CCDC170: variants seen among roughly 807,000 people sequenced by gnomAD.
CCDC170 encodes the protein coiled-coil domain-containing protein 170.
Under a neutral mutation model 72.6 loss-of-function variants are expected in CCDC170, and 69 were observed. The observed-to-expected ratio is 0.95, with a 90% CI of 0.78 to 1.16. The LOEUF (loss-of-function observed/expected upper bound fraction) is 1.16. CCDC170 is among the 50% of genes most tolerant of loss of function. The pLI is 0.00. For missense variants in CCDC170, 852 were observed against 832.5 expected (o/e 1.02, Z -0.29); for synonymous variants, 300 against 303.9 (o/e 0.99, Z 0.13).
At chr6:151,603,196 T>C (rs1229162009) in intron 9 of CCDC170, among the ~76,000 whole-genome samples, 2 of 152,126 alleles carry the variant, frequency 1.3e-5, no homozygotes, top group Admixed American at 6.5e-5. Context: ...ATGATGCAAG[T>C]TCTTTTGAGT....
chr6:151,538,307 G>A lies in CCDC170; in HGVS notation c.443+6G>A, dbSNP rs778331694. 1 of 1,609,688 alleles carries A rather than the reference G, an allele frequency of 6.2e-7. No individual in the cohort carries two copies. Among genetic ancestry groups the A allele is most frequent in the Non-Finnish European group, 8.5e-7 (1 of 1,177,896 alleles). ...GAGTTAAATGAAAAATTACAGTAAGGATACTGCAATATATTTTTCGCTTTA... is the reference window on the plus strand; with the variant it reads ...GAGTTAAATGAAAAATTACAGTAAGAATACTGCAATATATTTTTCGCTTTA... On this transcript the variant is annotated splice_donor_region_variant and intron_variant, in intron 3 of 10. Transcript: ENST00000239374.
intron 6 of CCDC170, among the ~76,000 whole-genome samples, chr6:151,578,957 A>G (rs1776343563): frequency 6.6e-6 from 1 of 152,090 alleles, no homozygotes; most frequent in Non-Finnish European, 1.5e-5. Context: ...TGGGGAGTGA[A>G]TTAAATCTTT....
intron 5 of CCDC170, among the ~76,000 whole-genome samples, chr6:151,564,312 G>C (rs1776093109): frequency 6.6e-6 from 1 of 152,132 alleles, no homozygotes; most frequent in African/African-American, 2.4e-5. Context: ...AAGAGCTTAG[G>C]GTGTGGTTGT....
At chr6:151,585,610 G>T (rs1044350259) in intron 6 of CCDC170, among the ~76,000 whole-genome samples, 1 of 151,664 alleles carries the variant, frequency 6.6e-6, no homozygotes, top group Admixed American at 6.6e-5. Flanking sequence ...ATAGTTTTGG[G>T]GTAAGTAAAT....
intron 5 of CCDC170, among the ~76,000 whole-genome samples, chr6:151,552,197 G>T (rs1484645183): frequency 6.6e-6 from 1 of 152,090 alleles, no homozygotes; most frequent in Non-Finnish European, 1.5e-5. Context: ...AAGGCTTTTG[G>T]CAAGAATATT....
At chr6:151,498,700 C>G (rs1781944500) in intron 1 of CCDC170, among the ~76,000 whole-genome samples, 1 of 152,168 alleles carries the variant, frequency 6.6e-6, no homozygotes, top group South Asian at 2.1e-4. Flanking sequence ...TGGAATCAGA[C>G]TGTATTTGAC....
chr6:151,590,253 C>A (rs899994095), intron 7 of CCDC170, among the ~76,000 whole-genome samples: 2 of 152,090 alleles, frequency 1.3e-5, no homozygotes, highest in African/African-American at 4.8e-5. Flanking sequence ...CAGAAAAAAT[C>A]ATTTTTTCCT....
intron 1 of CCDC170, among the ~76,000 whole-genome samples, chr6:151,514,546 C>T (rs562992966): frequency 1.3e-5 from 2 of 152,086 alleles, no homozygotes; most frequent in South Asian, 4.1e-4. Context: ...GATGAAAGCT[C>T]TGTGGCATGC....
Position 151,596,197 on chromosome 6 carries a change from G to A in CCDC170, c.1468-138G>A, listed in dbSNP as rs1027503332. The A allele has an allele frequency of 2.3e-5, 25 of 1,066,944 alleles. No homozygotes were observed. The Admixed American group carries it at 4.9e-4, about 21-fold the overall frequency. 66.1% of individuals were successfully genotyped at this position (1,066,944 alleles called of 1,614,324 possible). A position where few individuals can be genotyped will look rare whatever the true frequency, so the allele number is the denominator to read the frequency against. On this transcript the variant is annotated intron_variant, in intron 8 of 10. Coordinates refer to ENST00000239374, the MANE Select transcript of CCDC170 (RefSeq NM_025059.4). ...TGAGTAAAAAATGCAATCAGGAAAA[G>A]GAATCCAATGACTTTTTTGATGGTT...
At chr6:151,606,791 T>C (rs1237666437) in intron 9 of CCDC170, among the ~76,000 whole-genome samples, 1 of 152,220 alleles carries the variant, frequency 6.6e-6, no homozygotes, top group East Asian at 1.9e-4. Flanking sequence ...GCTTTATGTA[T>C]CTGGGTGTGT....
At chr6:151,604,527 TATAGTTAACA>T (rs1776756506) in intron 9 of CCDC170, among the ~76,000 whole-genome samples, 1 of 152,216 alleles carries the variant, frequency 6.6e-6, no homozygotes, top group Admixed American at 6.5e-5. Flanking sequence ...GTAGGATGAC[TATAGTTAACA>T]ATACTTTATT....
At chr6:151,514,073 G>C (rs1248604617) in intron 1 of CCDC170, among the ~76,000 whole-genome samples, 1 of 151,830 alleles carries the variant, frequency 6.6e-6, no homozygotes, top group Non-Finnish European at 1.5e-5. Context: ...ATGTGGGCAG[G>C]AGTGGTAACT....
At chr6:151,603,135 C>A (rs1194768258) in intron 9 of CCDC170, among the ~76,000 whole-genome samples, 3 of 152,168 alleles carry the variant, frequency 2.0e-5, no homozygotes, top group African/African-American at 7.2e-5. Flanking sequence ...ATATACTATC[C>A]ATTAATGGAC....
chr6:151,510,229 T>A (rs895669924), intron 1 of CCDC170, among the ~76,000 whole-genome samples: 1 of 152,326 alleles, frequency 6.6e-6, no homozygotes, highest in Non-Finnish European at 1.5e-5. Flanking sequence ...TACTGTGTCA[T>A]TTTGTTCATT....
In CCDC170 at chr6:151,494,173, G is replaced by A. The variant is rs1401478512; in HGVS notation, c.45G>A (p.Ser15=). The A allele has an allele frequency of 2.0e-6, 3 of 1,517,506 alleles. No homozygotes were observed. The highest frequency in any genetic ancestry group is 1.4e-5 in the African/African-American group (1 of 70,458). The allele number at this position is 1,517,506 out of a possible 1,614,324, so 94.0% of individuals were successfully genotyped here. ...GCCATATCGCGCTGGGTGCCGCTTC[G>A]CCAGCGCCCGAGGTACGGTCCCAGC... ...CTSHIALGAA[S]PAPEETYDHL... is the part of the protein sequence containing the mutation. The change falls in exon 1 of 11, where the codon TCG becomes TCA. Residue 15 remains serine, a synonymous_variant. Coordinates refer to ENST00000239374, the MANE Select transcript of CCDC170 (RefSeq NM_025059.4).
Position 151,618,120 on chromosome 6 carries a change from A to G in CCDC170, c.2121A>G (p.Pro707=). The stretch of plus-strand genomic sequence containing the variant: ...TGACTACTGGGCAAGAGAGGCACCC[A>G]CAAGGCCATTTACAGCTTCTTCATT... ...KDVTTGQERH[P]QGHLQLLH The change falls in exon 11 of 11, where the codon CCA becomes CCG. Residue 707 remains proline (P), a synonymous_variant. Coordinates refer to ENST00000239374, the MANE Select transcript of CCDC170 (RefSeq NM_025059.4). 1 of 1,614,156 alleles carries G rather than the reference A, an allele frequency of 6.2e-7. No individual in the cohort carries two copies. The highest frequency in any genetic ancestry group is 8.5e-7 in the Non-Finnish European group (1 of 1,180,030).
chr6:151,607,546 G>A (rs966455008), intron 9 of CCDC170, among the ~76,000 whole-genome samples: 37 of 151,958 alleles, frequency 2.4e-4, no homozygotes, highest in African/African-American at 7.5e-4. Flanking sequence ...TTCTTCTTGC[G>A]CTTGTCTAAG....
intron 6 of CCDC170, among the ~76,000 whole-genome samples, chr6:151,581,176 C>G (rs1029452610): frequency 2.0e-5 from 3 of 151,946 alleles, no homozygotes; most frequent in African/African-American, 7.3e-5. Flanking sequence ...ACAATTGACT[C>G]TTTTTTTTCT....
chr6:151,565,239 G>T (rs904407504), intron 5 of CCDC170, among the ~76,000 whole-genome samples: 1 of 152,162 alleles, frequency 6.6e-6, no homozygotes, highest in East Asian at 1.9e-4. Context: ...TCTGGTGGAG[G>T]CTGGCTCTCA....
Sources: gnomAD v4.1 joint callset for allele counts (sites outside exome capture counted in the v4.1 genomes callset) on GRCh38, gnomAD v4.1.1 for gene constraint, MANE v1.5 for transcripts, NCBI Gene and HGNC (gene_info 2026-07-23, HGNC 2026-07-21) for gene names.